LRFN5: variants seen among roughly 807,000 people sequenced by gnomAD.
LRFN5 encodes the protein leucine-rich repeat and fibronectin type-III domain-containing protein 5.
Under a neutral mutation model 45.6 loss-of-function variants are expected in LRFN5, and 24 were observed. The ratio of observed to expected loss-of-function variants is 0.53; its 90% CI spans 0.38 to 0.74. The LOEUF is 0.74. LRFN5 is among the 30% of genes least tolerant of loss of function. LRFN5 has a pLI of 0.00. For synonymous variants in LRFN5, 340 were observed against 313.8 expected, an observed-to-expected ratio of 1.08 and a Z score of -0.88; for missense variants, 776 against 861.5, an observed-to-expected ratio of 0.90 and a Z score of 1.24.
At chr14:41,856,079 G>A (rs1006394088) in intron 2 of LRFN5, among the ~76,000 whole-genome samples, 11 of 152,198 alleles carry the variant, frequency 7.2e-5, no homozygotes, top group African/African-American at 2.2e-4. Context: ...ACATCAATGC[G>A]TAGTCGAATT....
intron 1 of LRFN5, among the ~76,000 whole-genome samples, chr14:41,705,375 T>A (rs1162571170): frequency 6.6e-6 from 1 of 152,184 alleles, no homozygotes; most frequent in Non-Finnish European, 1.5e-5. Context: ...AATTTTTGAA[T>A]TGTTTTGAAA....
chr14:41,796,126 A>G (rs776319487), intron 2 of LRFN5, among the ~76,000 whole-genome samples: 2 of 152,004 alleles, frequency 1.3e-5, no homozygotes, highest in Non-Finnish European at 1.5e-5. Flanking sequence ...TAAACACAAA[A>G]TGTTCTTTAT....
intron 1 of LRFN5, among the ~76,000 whole-genome samples, chr14:41,647,226 C>T (rs910367666): frequency 2.6e-5 from 4 of 151,970 alleles, no homozygotes; most frequent in African/African-American, 9.7e-5. Flanking sequence ...AAAATTTTTT[C>T]GATGTCACCA....
intron 1 of LRFN5, among the ~76,000 whole-genome samples, chr14:41,733,096 C>G (rs2138798394): frequency 6.7e-6 from 1 of 149,406 alleles, no homozygotes; most frequent in East Asian, 1.9e-4. Flanking sequence ...GGTATGTCAT[C>G]AAGGAGACCA....
At chr14:41,651,311 TCTAA>T (rs1323050275) in intron 1 of LRFN5, among the ~76,000 whole-genome samples, 5 of 152,282 alleles carry the variant, frequency 3.3e-5, no homozygotes, top group East Asian at 1.9e-4. Context: ...ATGGTAGTTC[TCTAA>T]CTCTGGAGTT....
chr14:41,661,353 A>G (rs1034736512), intron 1 of LRFN5, among the ~76,000 whole-genome samples: 1 of 152,030 alleles, frequency 6.6e-6, no homozygotes, highest in South Asian at 2.1e-4. Flanking sequence ...GCTTTTCAAA[A>G]TGAGTATTCC....
intron 2 of LRFN5, among the ~76,000 whole-genome samples, chr14:41,817,962 C>T (rs370285348): frequency 6.6e-6 from 1 of 152,082 alleles, no homozygotes; most frequent in South Asian, 2.1e-4. Context: ...CATCATGAAA[C>T]CAGAAATTCA....
chr14:41,858,592 C>G (rs1196547868), intron 2 of LRFN5, among the ~76,000 whole-genome samples: 1 of 152,088 alleles, frequency 6.6e-6, no homozygotes, highest in Non-Finnish European at 1.5e-5. Flanking sequence ...CTAAACCAAG[C>G]AAGACAACAA....
At position 41,887,437 on chromosome 14, in the gene LRFN5, G is replaced by A. The variant is rs748045132; in HGVS notation, c.812G>A (p.Gly271Asp). ...TGTGCTTCTCCTCCACTTTTAACTGGCCGCTACTTTTGGTCAATTCCTGAA... is the reference window on the plus strand; with the variant it reads ...TGTGCTTCTCCTCCACTTTTAACTGACCGCTACTTTTGGTCAATTCCTGAA... ...ETCASPPLLT[G>D]RYFWSIPEEE... Residue 271 changes from glycine to aspartate, a missense_variant, in exon 3 of 6, where the codon GGC becomes GAC. Coordinates refer to ENST00000298119, the MANE Select transcript of LRFN5 (RefSeq NM_152447.5). The surrounding 1 kb of genome is among the most constrained non-coding windows in gnomAD (Gnocchi z 4.8). 4 of 1,614,128 alleles carry A rather than the reference G, an allele frequency of 2.5e-6. No homozygotes were observed. The highest frequency in any genetic ancestry group is 2.5e-6 in the Non-Finnish European group (3 of 1,180,026).
chr14:41,718,614 T>C (rs17112213), intron 1 of LRFN5, among the ~76,000 whole-genome samples: 6,840 of 152,256 alleles, frequency 0.045, 340 homozygotes, highest in African/African-American at 0.12. Context: ...AAGCTCTCCG[T>C]GTTAGATGAG....
At chr14:41,712,775 C>T (rs1883339256) in intron 1 of LRFN5, among the ~76,000 whole-genome samples, 1 of 152,068 alleles carries the variant, frequency 6.6e-6, no homozygotes, top group Non-Finnish European at 1.5e-5. Context: ...ACTTTTGCTG[C>T]TCCTCCCATT....
chr14:41,795,776 TA>T (rs34134276), intron 2 of LRFN5, among the ~76,000 whole-genome samples: 20,551 of 150,438 alleles, frequency 0.14, 1,657 homozygotes, highest in Non-Finnish European at 0.18. Context: ...GGGCCTGTCG[TA>T]GGTTGGGGGG....
At chr14:41,621,094 T>A (rs952535290) in intron 1 of LRFN5, among the ~76,000 whole-genome samples, 1 of 152,104 alleles carries the variant, frequency 6.6e-6, no homozygotes, top group Non-Finnish European at 1.5e-5. Context: ...GTATATACTT[T>A]TAGTGATAGC....
At position 41,898,899 on chromosome 14, in the gene LRFN5, T is replaced by C. The variant is rs940121315; in HGVS notation, c.2099-18T>C. On this transcript the variant is annotated intron_variant, in intron 4 of 5. Transcript: ENST00000298119. ...TAAAAAAATGAATTGTTTATGACAC[T>C]GAACATTTTATTCCCAGATGCTTTG... is the stretch of plus-strand genomic sequence containing the variant. 2 of 1,606,862 alleles carry C rather than the reference T, an allele frequency of 1.2e-6. 1 individual carries two copies.
At chr14:41,650,259 AC>A (rs1413123378) in intron 1 of LRFN5, among the ~76,000 whole-genome samples, 4 of 145,308 alleles carry the variant, frequency 2.8e-5, no homozygotes, top group African/African-American at 1.1e-4. Context: ...ACACACACAC[AC>A]ACACACAAAA....
chr14:41,901,247 C>T (rs942844700), intron 5 of LRFN5, among the ~76,000 whole-genome samples: 1 of 151,926 alleles, frequency 6.6e-6, no homozygotes, highest in South Asian at 2.1e-4. Flanking sequence ...TTGACACTTA[C>T]CTATAAATTT....
chr14:41,763,368 A>G (rs779022463), intron 1 of LRFN5, among the ~76,000 whole-genome samples: 1 of 152,212 alleles, frequency 6.6e-6, no homozygotes, highest in Non-Finnish European at 1.5e-5. Context: ...ATCCTAGAGG[A>G]TAAGAAAGTA....
intron 2 of LRFN5, among the ~76,000 whole-genome samples, chr14:41,851,963 T>C: frequency 6.7e-6 from 1 of 149,242 alleles, no homozygotes; most frequent in Non-Finnish European, 1.5e-5. Flanking sequence ...GCAGTGGTAA[T>C]CCTTGCTCTA....
rs547471348 is a variant in LRFN5 at position 41,716,132 on chromosome 14, C to A, written c.-196-50722C>A. Among the ~76,000 whole-genome samples the A allele has an allele frequency of 4.6e-5, 7 of 152,286 alleles. No individual in the cohort carries two copies. The South Asian group carries it at 6.2e-4, about 14-fold the overall frequency. On this transcript the variant is annotated intron_variant, in intron 1 of 5. Coordinates refer to ENST00000298119, the MANE Select transcript of LRFN5 (RefSeq NM_152447.5). ...GGACACCAAGTCTCTAGGCTGCACACAGCACGGGGACCCTGGGACTGGCCC... is the reference window on the plus strand; with the variant it reads ...GGACACCAAGTCTCTAGGCTGCACAAAGCACGGGGACCCTGGGACTGGCCC...
Sources: allele counts gnomAD v4.1 joint callset (sites outside exome capture counted in the v4.1 genomes callset), GRCh38; gene constraint gnomAD v4.1.1; non-coding constraint Gnocchi (gnomAD v3.1); transcripts MANE v1.5; gene names NCBI Gene and HGNC (gene_info 2026-07-23, HGNC 2026-07-21).